Variants in CERT1 observed in about 807,000 individuals in gnomAD.
The protein encoded by CERT1 is ceramide transporter 1.
A neutral mutation model predicts 87.9 loss-of-function variants in CERT1; 31 were observed. That is an observed-to-expected ratio of 0.35 (90% CI 0.27 to 0.48). CERT1 has a LOEUF of 0.48. Ranked by LOEUF, CERT1 falls within the 20% of genes least tolerant of loss-of-function variation. The pLI is 0.99. For synonymous variants in CERT1, 289 were observed against 250.9 expected (o/e 1.15, Z -1.44); for missense variants, 487 against 758.0 (o/e 0.64, Z 4.20).
intron 2 of CERT1, among the ~76,000 whole-genome samples, chr5:75,473,537 T>G (rs1278975635): frequency 6.6e-6 from 1 of 152,076 alleles, no homozygotes; most frequent in East Asian, 1.9e-4. Flanking sequence ...CTCATGGAAA[T>G]AGAGAGTAGA....
rs534478245 is a variant in CERT1, at chr5:75,479,443, C to T, written c.232-20262G>A. On this transcript the variant is annotated intron_variant, in intron 2 of 16. Coordinates refer to ENST00000643780, the MANE Select transcript of CERT1 (RefSeq NM_001379029.1). ...AGTTATCTATTCTGCTCCTCTTCTT[C>T]TTCTCACCCTCTACCCTCAAGTAGA... 5.3e-5 allele frequency among the ~76,000 whole-genome samples: 8 copies of T among 152,218 alleles called. No individual in the cohort carries two copies. The East Asian group carries it at 1.5e-3, about 29-fold the overall frequency.
chr5:75,449,523 T>C (rs2112275163), intron 3 of CERT1, among the ~76,000 whole-genome samples: 1 of 152,334 alleles, frequency 6.6e-6, no homozygotes, highest in Non-Finnish European at 1.5e-5. Context: ...TGAATGGACC[T>C]ATGACATCAA....
chr5:75,371,759 A>G (rs1363129895), intron 17 of CERT1: 4 of 152,214 alleles, frequency 2.6e-5, no homozygotes, highest in Admixed American at 2.6e-4. Flanking sequence ...AGTAGAAAAG[A>G]GAGTAAAGGG....
chr5:75,373,575 G>C (rs745581293), downstream of CERT1: 3 of 152,182 alleles, frequency 2.0e-5, no homozygotes, highest in Non-Finnish European at 4.4e-5. Context: ...CTATAGAAAA[G>C]GCAAAATCAC....
intron 12 of CERT1, 115 bp downstream of exon 12, chr5:75,389,477 A>G: frequency 1.3e-6 from 1 of 744,688 alleles, no homozygotes; most frequent in South Asian, 1.7e-5. Context: ...ATCACATGTA[A>G]TAATTTGTTT....
chr5:75,454,998 T>C (rs974254902), intron 3 of CERT1, among the ~76,000 whole-genome samples: 2 of 152,064 alleles, frequency 1.3e-5, no homozygotes, highest in African/African-American at 4.8e-5. Flanking sequence ...AAAGCCAAAC[T>C]TGCACCAAAA....
rs143658318 is a variant in CERT1, at chr5:75,508,634, A to C, written c.96+2478T>G. Among the ~76,000 whole-genome samples the C allele has an allele frequency of 1.4e-3, 215 of 152,310 alleles. 1 individual carries two copies. Among genetic ancestry groups the C allele is most frequent in the African/African-American group, 4.3e-3 (179 of 41,566 alleles). On this transcript the variant is annotated intron_variant, in intron 1 of 16. Transcript: ENST00000643780. ...ATATGCTAGACACTGCAGGGGAATCAAATATTACTGTGGCCAACAGGCCAG... is the reference window on the plus strand; with the variant it reads ...ATATGCTAGACACTGCAGGGGAATCCAATATTACTGTGGCCAACAGGCCAG...
chr5:75,426,201 A>T (rs1303905347), intron 4 of CERT1, among the ~76,000 whole-genome samples, 170 bp downstream of exon 4: 2 of 152,244 alleles, frequency 1.3e-5, no homozygotes, highest in African/African-American at 4.8e-5. Context: ...ACATGTGTTC[A>T]TCTATATGAG....
chr5:75,423,734 A>G (rs1278785245), intron 5 of CERT1, among the ~76,000 whole-genome samples: 1 of 152,254 alleles, frequency 6.6e-6, no homozygotes, highest in Admixed American at 6.5e-5. Flanking sequence ...TACTACACAT[A>G]AAGTGGTATA....
At chr5:75,389,786 T>C in intron 11 of CERT1, 99 bp from the exon 12 acceptor site, 1 of 877,680 alleles carries the variant, frequency 1.1e-6, no homozygotes, top group Non-Finnish European at 1.9e-6. Flanking sequence ...AATGGTGCTC[T>C]TAGTAGCTGA....
At chr5:75,374,043 C>CT (rs1761184786), downstream of CERT1, 3 of 398,360 alleles carry the variant, frequency 7.5e-6, no homozygotes, top group Non-Finnish European at 1.3e-5. Context: ...TTCAGCTTTG[C>CT]TATTGCAATA....
At chr5:75,419,859 C>G (rs1353906217) in intron 5 of CERT1, among the ~76,000 whole-genome samples, 1 of 152,170 alleles carries the variant, frequency 6.6e-6, no homozygotes, top group African/African-American at 2.4e-5. Context: ...TGTAGTCTTC[C>G]TATCTCTTGC....
intron 13 of CERT1, among the ~76,000 whole-genome samples, chr5:75,385,459 G>C (rs968041762): frequency 8.5e-5 from 13 of 152,150 alleles, no homozygotes; most frequent in African/African-American, 2.9e-4. Context: ...TGTGACAAGA[G>C]CGAAACTCTG....
downstream of CERT1, chr5:75,375,958 T>C (rs1286138008): frequency 6.6e-6 from 1 of 152,172 alleles, no homozygotes; most frequent in Non-Finnish European, 1.5e-5. Flanking sequence ...AAGCCAAATC[T>C]GAGTTTGGGC....
intron 2 of CERT1, among the ~76,000 whole-genome samples, chr5:75,467,084 T>C (rs1765487412): frequency 6.6e-6 from 1 of 152,108 alleles, no homozygotes. Flanking sequence ...CTTCAATTGG[T>C]GAATGCCTAA....
At chr5:75,382,310 T>C (rs1013203369) in intron 14 of CERT1, among the ~76,000 whole-genome samples, 3 of 152,218 alleles carry the variant, frequency 2.0e-5, no homozygotes, top group South Asian at 2.1e-4. Context: ...TATACACGTA[T>C]AATTTGTCAT....
intron 3 of CERT1, among the ~76,000 whole-genome samples, chr5:75,435,980 G>A (rs1764079207): frequency 6.6e-6 from 1 of 152,054 alleles, no homozygotes; most frequent in Admixed American, 6.5e-5. Context: ...TACCTATAGG[G>A]GTCTGTGCAT....
chr5:75,403,466 C>T (rs1052171023), intron 8 of CERT1, among the ~76,000 whole-genome samples: 1 of 152,158 alleles, frequency 6.6e-6, no homozygotes, highest in Non-Finnish European at 1.5e-5. Context: ...AGTTTGGTGT[C>T]CATAAAGTTT....
chr5:75,464,007 G>GA (rs1371290807), intron 2 of CERT1, among the ~76,000 whole-genome samples: 1 of 152,136 alleles, frequency 6.6e-6, no homozygotes, highest in African/African-American at 2.4e-5. Flanking sequence ...GGCTTCCTGA[G>GA]AAAGGAATTC....
Sources: allele counts gnomAD v4.1 joint callset (sites outside exome capture counted in the v4.1 genomes callset), GRCh38; gene constraint gnomAD v4.1.1; transcripts MANE v1.5; gene names NCBI Gene and HGNC (gene_info 2026-07-23, HGNC 2026-07-21).